NECAB2: variants seen among roughly 807,000 people sequenced by gnomAD.
NECAB2 encodes the protein N-terminal EF-hand calcium binding protein 2.
A neutral mutation model predicts 51.9 loss-of-function variants in NECAB2; 68 were observed. The observed-to-expected ratio is 1.31, with a 90% CI of 1.08 to 1.60. The LOEUF is 1.60. NECAB2 is among the 40% of genes most tolerant of loss of function. The probability of loss-of-function intolerance (pLI) is 0.00; values close to 1 mark genes in which losing one functional copy is unlikely to be tolerated. For synonymous variants in NECAB2, 329 were observed against 203.5 expected (o/e 1.62, Z -5.25); for missense variants, 854 against 490.3 (o/e 1.74, Z -7.00).
At chr16:84,000,695 C>A in intron 10 of NECAB2, 29 bp from the exon 11 acceptor site, 1 of 1,611,002 alleles carries the variant, frequency 6.2e-7, no homozygotes, top group African/African-American at 1.3e-5. Context: ...GAGCTCCAGC[C>A]TCCTCCCCCC....
At chr16:83,999,845 G>A (rs1255416925) in intron 10 of NECAB2, among the ~76,000 whole-genome samples, 4 of 152,102 alleles carry the variant, frequency 2.6e-5, no homozygotes, top group Non-Finnish European at 5.9e-5. Context: ...GTAGAAGGAA[G>A]AAGAGGGAAG....
intron 2 of NECAB2, among the ~76,000 whole-genome samples, chr16:83,973,064 G>A (rs1165745772): frequency 6.6e-6 from 1 of 152,246 alleles, no homozygotes; most frequent in African/African-American, 2.4e-5. Flanking sequence ...GAGAGGCGGT[G>A]TGGGTGACAA....
intron 5 of NECAB2, among the ~76,000 whole-genome samples, chr16:83,983,887 T>G: frequency 6.6e-6 from 1 of 152,250 alleles, no homozygotes; most frequent in Middle Eastern, 3.4e-3. Context: ...CGCTTGGGTC[T>G]CAGTGTTAAA....
At chr16:84,000,498 C>G (rs1025906679) in intron 10 of NECAB2, among the ~76,000 whole-genome samples, 1 of 152,194 alleles carries the variant, frequency 6.6e-6, no homozygotes, top group African/African-American at 2.4e-5. Context: ...AAAAACTACA[C>G]TGCATTGATT....
In NECAB2 at chr16:83,994,400, A is replaced by G. The variant is rs769344774; in HGVS notation, c.695A>G (p.Gln232Arg). 3.7e-6 allele frequency: 6 copies of G among 1,614,106 alleles called. No homozygotes were observed. The highest frequency in any genetic ancestry group is 4.2e-6 in the Non-Finnish European group (5 of 1,179,980). The change falls in exon 7 of 13, where the codon CAA becomes CGA. Residue 232 changes from glutamine (Q) to arginine (R), a missense_variant. Coordinates refer to ENST00000305202, the MANE Select transcript of NECAB2 (RefSeq NM_019065.3). Reference sequence around the variant, plus strand: ...AACCACAAGCTCATGGCTATGGAACAAGGCAAGACCCTTCCATCTGGTGAG... The same window carrying G: ...AACCACAAGCTCATGGCTATGGAACGAGGCAAGACCCTTCCATCTGGTGAG... ...APNHKLMAME[Q>R]GKTLPSATED... is the part of the protein sequence containing the mutation.
At chr16:83,987,988 C>T (rs571584942) in intron 5 of NECAB2, among the ~76,000 whole-genome samples, 25 of 152,268 alleles carry the variant, frequency 1.6e-4, no homozygotes, top group Middle Eastern at 3.4e-3. Context: ...ATATTCCTAC[C>T]TTTCTTGGGC....
intron 8 of NECAB2, 41 bp downstream of exon 8, chr16:83,994,729 C>G (rs756106554): frequency 5.6e-6 from 9 of 1,596,848 alleles, no homozygotes; most frequent in Non-Finnish European, 6.0e-6. Context: ...CCTTCCAACC[C>G]CTGAGGGAGT....
chr16:83,972,196 GA>G (rs1241373916), intron 2 of NECAB2, 21 bp downstream of exon 2: 1 of 1,613,296 alleles, frequency 6.2e-7, no homozygotes, highest in Non-Finnish European at 8.5e-7. Flanking sequence ...CTTCCAGGCC[GA>G]CGGCCGCCCC....
At chr16:83,986,466 G>A (rs1226592069) in intron 5 of NECAB2, among the ~76,000 whole-genome samples, 1 of 152,178 alleles carries the variant, frequency 6.6e-6, no homozygotes, top group Non-Finnish European at 1.5e-5. Context: ...CTATCCCAGG[G>A]CAACAACCAA....
In NECAB2 at chr16:83,998,166, G is replaced by T. The variant is rs913860159; in HGVS notation, c.850-39G>T. On this transcript the variant is annotated intron_variant, in intron 9 of 12. Transcript: ENST00000305202. ...GATGGGGTGTTTAGGGAGAAGGCCT[G>T]ACGTGGAGCCCCACACTGACTCCTG... 2.5e-6 allele frequency: 4 copies of T among 1,585,796 alleles called. No homozygotes were observed. In the African/African-American group the frequency reaches 5.4e-5, roughly 21 times the overall value.
chr16:83,967,131 C>T (rs2084289726), upstream of NECAB2, among the ~76,000 whole-genome samples: 1 of 152,182 alleles, frequency 6.6e-6, no homozygotes, highest in African/African-American at 2.4e-5. Flanking sequence ...TTTGGCTCCC[C>T]AAAGTGTTGG....
chr16:83,989,259 A>G (rs888606431), intron 5 of NECAB2, among the ~76,000 whole-genome samples: 4 of 152,002 alleles, frequency 2.6e-5, no homozygotes, highest in Non-Finnish European at 4.4e-5. Flanking sequence ...AGCTGTAAGA[A>G]CCTGACATAG....
chr16:83,978,546 ACAC>A lies in NECAB2; in HGVS notation c.332_334del (p.Thr111del), dbSNP rs771338687. 6.2e-7 allele frequency: 1 copy of A among 1,612,358 alleles called. No homozygotes were observed. The highest frequency in any genetic ancestry group is 2.2e-5 in the East Asian group (1 of 44,870). ...CTCTTTCACACGATTGACTCTGACA[ACAC>A]CAAGTGAGCTTCAGTCCTGGCTGGC... is the stretch of plus-strand genomic sequence containing the variant. On this transcript the variant is annotated inframe_deletion, in exon 3 of 13. Coordinates refer to ENST00000305202, the MANE Select transcript of NECAB2 (RefSeq NM_019065.3).
At chr16:84,000,482 CAAAAG>C (rs2084807823) in intron 10 of NECAB2, among the ~76,000 whole-genome samples, 2 of 152,206 alleles carry the variant, frequency 1.3e-5, no homozygotes, top group South Asian at 2.1e-4. Context: ...GACCCTATCT[CAAAAG>C]AAAAACTACA....
rs760472214 is a variant in NECAB2, at chr16:83,994,372, C to A, written c.667C>A (p.Pro223Thr). ...WCGSPTPASAPNHKLMAMEQG... is the reference protein window; with the variant it reads ...WCGSPTPASATNHKLMAMEQG... ...TGGAAGCCCCACTCCCGCCTCTGCCCCCAACCACAAGCTCATGGCTATGGA... is the reference window on the plus strand; with the variant it reads ...TGGAAGCCCCACTCCCGCCTCTGCCACCAACCACAAGCTCATGGCTATGGA... Residue 223 changes from proline to threonine, a missense_variant, in exon 7 of 13, where the codon CCC (proline) becomes ACC (threonine). Physicochemically the swap from Pro to Thr is conservative, Grantham distance 38. Coordinates refer to ENST00000305202, the MANE Select transcript of NECAB2 (RefSeq NM_019065.3). 18 of 1,614,064 alleles carry A rather than the reference C, an allele frequency of 1.1e-5. No homozygotes were observed. Among genetic ancestry groups the A allele is most frequent in the Non-Finnish European group, 1.4e-5 (16 of 1,180,042 alleles).
Position 83,989,413 on chromosome 16 carries a change from T to C in NECAB2, c.460-1081T>C, listed in dbSNP as rs143961865. ...CCTCCTCTGTTTCTCAGTCTGTCTG[T>C]CAGCCGTGTTTCCCATTGTGCAATT... On this transcript the variant is annotated intron_variant, in intron 5 of 12. Coordinates refer to ENST00000305202, the MANE Select transcript of NECAB2 (RefSeq NM_019065.3). Among the ~76,000 whole-genome samples the C allele has an allele frequency of 1.0e-3, 153 of 152,338 alleles. 4 individuals are homozygous for C. In the East Asian group the frequency reaches 0.025, roughly 25 times the overall value.
At chr16:83,978,642 T>C in intron 3 of NECAB2, 90 bp downstream of exon 3, 1 of 1,146,616 alleles carries the variant, frequency 8.7e-7, no homozygotes, top group East Asian at 2.4e-5. Context: ...TAGTCCCCTG[T>C]AAGGGGCAGG....
At chr16:84,000,326 T>TAA (rs1555549892) in intron 10 of NECAB2, among the ~76,000 whole-genome samples, 1 of 149,770 alleles carries the variant, frequency 6.7e-6, no homozygotes, top group Non-Finnish European at 1.5e-5. Context: ...GCCCAGGAGT[T>TAA]AAAGACCAGC....
In NECAB2 at chr16:83,997,351, C is replaced by G. The variant is rs1010747395; in HGVS notation, c.849+82C>G. The G allele has an allele frequency of 2.6e-5, 40 of 1,545,176 alleles. No homozygotes were observed. In the East Asian group the frequency reaches 6.6e-4, roughly 25 times the overall value. On this transcript the variant is annotated intron_variant, in intron 9 of 12. Coordinates refer to ENST00000305202, the MANE Select transcript of NECAB2 (RefSeq NM_019065.3). ...CCAAGATCCAAGTGGCTCAATGCCC[C>G]TGACCCCGCTCTCCCTGCTTGGGAC...
Sources: allele counts gnomAD v4.1 joint callset (sites outside exome capture counted in the v4.1 genomes callset), GRCh38; gene constraint gnomAD v4.1.1; transcripts MANE v1.5; gene names NCBI Gene and HGNC (gene_info 2026-07-23, HGNC 2026-07-21).